Variants in NFATC4 observed in about 807,000 individuals in gnomAD.
NFATC4 encodes the protein nuclear factor of activated T-cells, cytoplasmic 4.
In NFATC4, 25 loss-of-function variants were observed where a neutral mutation model predicts 73.4. The ratio of observed to expected loss-of-function variants is 0.34; its 90% confidence interval spans 0.25 to 0.48. The LOEUF is 0.48. Ranked by LOEUF, NFATC4 falls within the 20% of genes least tolerant of loss-of-function variation. The probability of loss-of-function intolerance (pLI) is 0.99; values close to 1 mark genes in which losing one functional copy is unlikely to be tolerated. For missense variants in NFATC4, 1,130 were observed against 1,203.7 expected (o/e 0.94, Z 0.91); for synonymous variants, 523 against 510.3 (o/e 1.02, Z -0.34).
At chr14:24,367,404 G>A, upstream of NFATC4, 1 of 1,535,668 alleles carries the variant, frequency 6.5e-7, no homozygotes. Context: ...CCAACTTCCC[G>A]TGGAGGCTAA....
intron 1 of NFATC4, 41 bp downstream of exon 1, chr14:24,368,481 G>A: frequency 1.6e-6 from 2 of 1,255,356 alleles, no homozygotes; most frequent in Non-Finnish European, 2.0e-6. Context: ...GTCAGTGAGA[G>A]GAGGGCCGGG....
upstream of NFATC4, chr14:24,367,406 G>A (rs750607407): frequency 4.8e-5 from 74 of 1,535,554 alleles, no homozygotes; most frequent in Non-Finnish European, 6.0e-5. Context: ...AACTTCCCGT[G>A]GAGGCTAATT....
Position 24,373,171 on chromosome 14 carries a change from C to T in NFATC4, c.1360C>T (p.Leu454Phe). 1 of 1,613,918 alleles carries T rather than the reference C, an allele frequency of 6.2e-7. No homozygotes were observed. Among genetic ancestry groups the T allele is most frequent in the Non-Finnish European group, 8.5e-7 (1 of 1,179,830 alleles). ...GGTGGCCGCTCTCTCCCTCTGCCAG[C>T]TCCTAGGCTACAGTGAGAAGCCACT... ...AAPGGHPVVK[L>F]LGYSEKPLTL... The change falls in exon 4 of 10, where the codon CTC becomes TTC. Residue 454 changes from leucine to phenylalanine, a missense_variant and splice_region_variant. Coordinates refer to ENST00000250373, the MANE Select transcript of NFATC4 (RefSeq NM_004554.5). This position sits in a 1 kb window ranked among gnomAD's most constrained non-coding sequence, Gnocchi z 4.7.
Position 24,377,138 on chromosome 14 carries a change from A to G in NFATC4, c.2641+260A>G. ...CCTCTGCTCCAAATCATAAAATCTCAGAGCTAGAAGCACTTTCAAGATCAT... is the reference window on the plus strand; with the variant it reads ...CCTCTGCTCCAAATCATAAAATCTCGGAGCTAGAAGCACTTTCAAGATCAT... On this transcript the variant is annotated intron_variant, in intron 9 of 9. Transcript: ENST00000250373. The surrounding 1 kb of genome is among the most constrained non-coding windows in gnomAD (Gnocchi z 4.2). The G allele has an allele frequency of 7.0e-6, 9 of 1,292,270 alleles. No homozygotes were observed. The highest frequency in any genetic ancestry group is 7.8e-6 in the Non-Finnish European group (8 of 1,024,586). 80.1% of individuals were successfully genotyped at this position (1,292,270 alleles called of 1,614,324 possible).
At position 24,376,743 on chromosome 14, in the gene NFATC4, C is replaced by T; in HGVS notation, c.2506C>T (p.Pro836Ser). The change falls in exon 9 of 10, where the codon CCT (proline) becomes TCT (serine). Residue 836 changes from proline (P) to serine (S), a missense_variant. Around this residue, in one of 3 missense-constraint regions of NFATC4, gnomAD observed 390 missense variants for 408.1 expected, o/e 0.96. Coordinates refer to ENST00000250373, the MANE Select transcript of NFATC4 (RefSeq NM_004554.5). The surrounding 1 kb of genome is among the most constrained non-coding windows in gnomAD (Gnocchi z 5.0). ...TTCCCAGAGTGATGTGCATCCCCTA[C>T]CTGCTGAGGGATACAATAAGGTAGG... ...FPSQSDVHPL[P>S]AEGYNKVGPG... 7 of 1,613,994 alleles carry T rather than the reference C, an allele frequency of 4.3e-6. No homozygotes were observed. The highest frequency in any genetic ancestry group is 5.9e-6 in the Non-Finnish European group (7 of 1,179,980).
chr14:24,367,781 ATCTACACAG>A, upstream of NFATC4: 1 of 1,349,816 alleles, frequency 7.4e-7, no homozygotes, highest in Non-Finnish European at 9.8e-7. Flanking sequence ...GCTAGGTGCT[ATCTACACAG>A]TCTTCAGAAT....
At chr14:24,369,021 A>C in intron 1 of NFATC4, 4 of 1,215,102 alleles carry the variant, frequency 3.3e-6, no homozygotes, top group South Asian at 1.9e-5. Context: ...GATGGCGAGG[A>C]GAGAGGGAGG....
Position 24,370,539 on chromosome 14 carries a change from C to G in NFATC4, c.1141C>G (p.Pro381Ala). ...EVAGMDYLAV[P>A]SPLAWSKARI... ...GGCTGGCATGGACTACCTGGCAGTG[C>G]CCTCCCCACTCGCTTGGTCCAAGGC... The change falls in exon 2 of 10, where the codon CCC becomes GCC. Residue 381 changes from proline (P) to alanine (A), a missense_variant. This residue lies in a region of NFATC4 where 585 missense variants were observed against 574.3 expected (regional missense o/e 1.02). Transcript: ENST00000250373. 6.2e-7 allele frequency: 1 copy of G among 1,613,920 alleles called. No individual in the cohort carries two copies. The highest frequency in any genetic ancestry group is 8.5e-7 in the Non-Finnish European group (1 of 1,179,834).
At position 24,373,018 on chromosome 14, in the gene NFATC4, C is replaced by G. The variant is rs762437594; in HGVS notation, c.1360-153C>G. 10 of 773,684 alleles carry G rather than the reference C, an allele frequency of 1.3e-5. No homozygotes were observed. Among genetic ancestry groups the G allele is most frequent in the Non-Finnish European group, 2.0e-5 (10 of 492,718 alleles). The allele number at this position is 773,684 out of a possible 1,614,324, so 47.9% of individuals were successfully genotyped here. ...CTGTGAACTCCAGGCCATGTTTTCT[C>G]CACAACGGGTGCCCAGTTCCCCAAG... On this transcript the variant is annotated intron_variant, in intron 3 of 9. Transcript: ENST00000250373. This position sits in a 1 kb window ranked among gnomAD's most constrained non-coding sequence, Gnocchi z 4.7.
chr14:24,374,314 A>G lies in NFATC4; in HGVS notation c.1733-12A>G, dbSNP rs1303602760. 1 of 1,604,466 alleles carries G rather than the reference A, an allele frequency of 6.2e-7. No homozygotes were observed. The highest frequency in any genetic ancestry group is 8.5e-7 in the Non-Finnish European group (1 of 1,175,572). Reference sequence around the variant, plus strand: ...CAGCCCAGCCAGTCCTCTTCCTTGCACTGCTCTGCAGCCCAGCGCTCAGCC... The same window carrying G: ...CAGCCCAGCCAGTCCTCTTCCTTGCGCTGCTCTGCAGCCCAGCGCTCAGCC... On this transcript the variant is annotated splice_polypyrimidine_tract_variant and intron_variant, in intron 5 of 9. Transcript: ENST00000250373.
chr14:24,377,994 G>T lies in NFATC4; in HGVS notation c.*289G>T, dbSNP rs903987807. On this transcript the variant is annotated 3_prime_UTR_variant, in exon 10 of 10. Transcript: ENST00000250373. This position sits in a 1 kb window ranked among gnomAD's most constrained non-coding sequence, Gnocchi z 4.2. Reference sequence around the variant, plus strand: ...GAGTGAAGGCGTGTCTAGAGTGTGGGCTGGCTGTTGTGCTGGAAAGCTGGG... The same window carrying T: ...GAGTGAAGGCGTGTCTAGAGTGTGGTCTGGCTGTTGTGCTGGAAAGCTGGG... 1.8e-6 allele frequency: 1 copy of T among 543,632 alleles called. No homozygotes were observed. The highest frequency in any genetic ancestry group is 1.9e-5 in the African/African-American group (1 of 52,886). 33.7% of individuals were successfully genotyped at this position (543,632 alleles called of 1,614,324 possible).
At position 24,373,739 on chromosome 14, in the gene NFATC4, A is replaced by T; in HGVS notation, c.1604A>T (p.Glu535Val). Residue 535 changes from glutamate to valine, a missense_variant, in exon 5 of 10, where the codon GAG becomes GTG. Glu to Val is a moderately radical substitution (Grantham distance 121). Transcript: ENST00000250373. The surrounding 1 kb of genome is among the most constrained non-coding windows in gnomAD (Gnocchi z 4.7). ...GILKLRNSDIELRKGETDIGR... is the reference protein window; with the variant it reads ...GILKLRNSDIVLRKGETDIGR... ...CTGAAGCTTCGGAATTCAGACATTG[A>T]GCTTCGGAAGGGTGAGACGGACATC... The T allele has an allele frequency of 6.2e-7, 1 of 1,613,122 alleles. No homozygotes were observed. The highest frequency in any genetic ancestry group is 8.5e-7 in the Non-Finnish European group (1 of 1,179,186).
At position 24,373,928 on chromosome 14, in the gene NFATC4, G is replaced by A. The variant is rs1462008556; in HGVS notation, c.1732+61G>A. On this transcript the variant is annotated intron_variant, in intron 5 of 9. Coordinates refer to ENST00000250373, the MANE Select transcript of NFATC4 (RefSeq NM_004554.5). The surrounding 1 kb of genome is among the most constrained non-coding windows in gnomAD (Gnocchi z 4.7). Reference sequence around the variant, plus strand: ...TTGCAACTCTTTTGTCTGTGTGTGTGTGTCTGTCTGCCCATTCCCTCTGCA... The same window carrying A: ...TTGCAACTCTTTTGTCTGTGTGTGTATGTCTGTCTGCCCATTCCCTCTGCA... 4 of 1,598,736 alleles carry A rather than the reference G, an allele frequency of 2.5e-6. No individual in the cohort carries two copies. Among genetic ancestry groups the A allele is most frequent in the Non-Finnish European group, 3.4e-6 (4 of 1,171,066 alleles).
rs2042442119 is a variant in NFATC4, at chr14:24,370,390, G to A, written c.992G>A (p.Arg331Gln). The change falls in exon 2 of 10, where the codon CGG becomes CAG. Residue 331 changes from arginine (R) to glutamine (Q), a missense_variant. Transcript: ENST00000250373. ...GCTGAGAGCATCCCTCAGAAGACACGGCGGACTTCCAGCGAGCAGGCAGTG... is the reference window on the plus strand; with the variant it reads ...GCTGAGAGCATCCCTCAGAAGACACAGCGGACTTCCAGCGAGCAGGCAGTG... ...PPAESIPQKT[R>Q]RTSSEQAVAL... 1 of 1,613,978 alleles carries A rather than the reference G, an allele frequency of 6.2e-7. No homozygotes were observed. Among genetic ancestry groups the A allele is most frequent in the Non-Finnish European group, 8.5e-7 (1 of 1,180,024 alleles).
intron 6 of NFATC4, 34 bp from the exon 7 acceptor site, chr14:24,375,626 A>G (rs1409323902): frequency 1.3e-6 from 2 of 1,541,666 alleles, no homozygotes; most frequent in East Asian, 2.5e-5. Context: ...GGGGCGCTGG[A>G]GTTGGGCTGC....
Position 24,369,565 on chromosome 14 carries a change from C to T in NFATC4, c.167C>T (p.Ala56Val). 1 of 1,612,422 alleles carries T rather than the reference C, an allele frequency of 6.2e-7. No individual in the cohort carries two copies. The highest frequency in any genetic ancestry group is 1.3e-5 in the African/African-American group (1 of 74,996). Reference sequence around the variant, plus strand: ...TTGGGAGAGCCCCCTCCCTATGGCGCTGCACCTATCGGTATTCCCCGACCT... The same window carrying T: ...TTGGGAGAGCCCCCTCCCTATGGCGTTGCACCTATCGGTATTCCCCGACCT... ...LALGEPPPYG[A>V]APIGIPRPPP... Residue 56 changes from alanine (A) to valine (V), a missense_variant, in exon 2 of 10, where the codon GCT becomes GTT. Ala to Val is a moderately conservative substitution (Grantham distance 64, BLOSUM62 0). This residue lies in a region of NFATC4 where 585 missense variants were observed against 574.3 expected (regional missense o/e 1.02). Coordinates refer to ENST00000250373, the MANE Select transcript of NFATC4 (RefSeq NM_004554.5).
intron 7 of NFATC4, 44 bp downstream of exon 7, chr14:24,375,759 G>GGGGGGGGGCCCC: frequency 1.6e-6 from 1 of 617,006 alleles, no homozygotes; most frequent in Non-Finnish European, 3.0e-6. Context: ...GGGGGTGGGA[G>GGGGGGGGGCCCC]AAGGCAGGGG....
Position 24,370,392 on chromosome 14 carries a change from C to T in NFATC4, c.994C>T (p.Arg332Trp). Residue 332 changes from arginine to tryptophan, a missense_variant, in exon 2 of 10, where the codon CGG becomes TGG. Arg to Trp is a moderately radical substitution (Grantham distance 101, BLOSUM62 -3). Around this residue, in one of 3 missense-constraint regions of NFATC4, gnomAD observed 585 missense variants for 574.3 expected, o/e 1.02. Coordinates refer to ENST00000250373, the MANE Select transcript of NFATC4 (RefSeq NM_004554.5). ...PAESIPQKTRRTSSEQAVALP... is the reference protein window; with the variant it reads ...PAESIPQKTRWTSSEQAVALP... ...TGAGAGCATCCCTCAGAAGACACGG[C>T]GGACTTCCAGCGAGCAGGCAGTGGC... 1.2e-6 allele frequency: 2 copies of T among 1,613,990 alleles called. No homozygotes were observed. Among genetic ancestry groups the T allele is most frequent in the Non-Finnish European group, 1.7e-6 (2 of 1,180,016 alleles).
Position 24,369,561 on chromosome 14 carries a change from G to A in NFATC4, c.163G>A (p.Gly55Ser). The change falls in exon 2 of 10, where the codon GGC (glycine) becomes AGC (serine). Residue 55 changes from glycine (G) to serine (S), a missense_variant. Gly to Ser is a moderately conservative substitution (Grantham distance 56). Coordinates refer to ENST00000250373, the MANE Select transcript of NFATC4 (RefSeq NM_004554.5). ...GGCCTTGGGAGAGCCCCCTCCCTAT[G>A]GCGCTGCACCTATCGGTATTCCCCG... is the stretch of plus-strand genomic sequence containing the variant. ...RLALGEPPPY[G>S]AAPIGIPRPP... is the part of the protein sequence containing the mutation. 1 of 1,609,990 alleles carries A rather than the reference G, an allele frequency of 6.2e-7. No individual in the cohort carries two copies. Among genetic ancestry groups the A allele is most frequent in the Middle Eastern group, 1.7e-4 (1 of 6,052 alleles).
Sources: allele counts gnomAD v4.1 joint callset, GRCh38; gene constraint gnomAD v4.1.1; regional missense constraint gnomAD v4.1.1; non-coding constraint Gnocchi (gnomAD v3.1); transcripts MANE v1.5; gene names NCBI Gene and HGNC (gene_info 2026-07-23, HGNC 2026-07-21).